VWA8: variants seen among roughly 807,000 people sequenced by gnomAD.
VWA8 encodes von Willebrand factor A domain containing 8, also known as von Willebrand factor A domain-containing protein 8.
VWA8 carries 221 observed loss-of-function variants against 241.5 expected under a neutral mutation model. That is an observed-to-expected ratio of 0.91 (90% CI 0.82 to 1.02). The LOEUF (loss-of-function observed/expected upper bound fraction) is 1.02. Ranked by LOEUF, VWA8 falls within the 50% of genes least tolerant of loss-of-function variation. The pLI is 0.00. For synonymous variants in VWA8, 852 were observed against 827.1 expected, an observed-to-expected ratio of 1.03 and a Z score of -0.52; for missense variants, 2,322 against 2,328.7, an observed-to-expected ratio of 1.00 and a Z score of 0.06.
chr13:41,652,637 C>T (rs2044876715), intron 37 of VWA8, among the ~76,000 whole-genome samples: 1 of 152,006 alleles, frequency 6.6e-6, no homozygotes, highest in African/African-American at 2.4e-5. Flanking sequence ...GAAATTAAGG[C>T]CCAGAGAGGT....
chr13:41,887,075 A>T (rs1359167886), intron 6 of VWA8, 122 bp downstream of exon 6: 3 of 1,185,664 alleles, frequency 2.5e-6, no homozygotes, highest in South Asian at 3.2e-5. Context: ...CTTTATTCTC[A>T]TATCTTTCCA....
chr13:41,719,591 T>G lies in VWA8; in HGVS notation c.3116A>C (p.Glu1039Ala). 1 of 1,612,866 alleles carries G rather than the reference T, an allele frequency of 6.2e-7. No homozygotes were observed. Among genetic ancestry groups the G allele is most frequent in the Non-Finnish European group, 8.5e-7 (1 of 1,179,186 alleles). ...CAGAAGAGTACTGAATTTGCCTTACTCCTTTGCCAGCTGCACACTGGTAGG... is the reference window on the plus strand; with the variant it reads ...CAGAAGAGTACTGAATTTGCCTTACGCCTTTGCCAGCTGCACACTGGTAGG... ...AKPTSVQLAK[E>A]LTLPEQTFMG... Residue 1039 changes from glutamate (E) to alanine (A), a missense_variant and splice_region_variant, in exon 26 of 45, where the codon GAG becomes GCG. Transcript: ENST00000379310.
intron 4 of VWA8, among the ~76,000 whole-genome samples, chr13:41,891,839 C>T (rs896152917): frequency 6.6e-6 from 1 of 152,044 alleles, no homozygotes; most frequent in Non-Finnish European, 1.5e-5. Flanking sequence ...TTCCTTTCAG[C>T]CTTGATATTT....
chr13:41,769,437 T>C (rs969343257), intron 20 of VWA8, among the ~76,000 whole-genome samples: 1 of 152,252 alleles, frequency 6.6e-6, no homozygotes, highest in African/African-American at 2.4e-5. Flanking sequence ...TTATTAATCA[T>C]TGAGGCTGGG....
chr13:41,850,464 C>A (rs923966405), intron 12 of VWA8, among the ~76,000 whole-genome samples: 1 of 152,176 alleles, frequency 6.6e-6, no homozygotes, highest in Non-Finnish European at 1.5e-5. Context: ...TAGTGCCACA[C>A]TGGACTCTGA....
intron 41 of VWA8, 134 bp downstream of exon 41, chr13:41,590,506 T>C (rs2044447269): frequency 1.0e-6 from 1 of 978,174 alleles, no homozygotes; most frequent in Non-Finnish European, 1.4e-6. Context: ...TTCTTTTTTT[T>C]TTTTTTTAAC....
At chr13:41,783,560 C>A (rs1405911907) in intron 19 of VWA8, among the ~76,000 whole-genome samples, 4 of 151,548 alleles carry the variant, frequency 2.6e-5, no homozygotes, top group African/African-American at 9.7e-5. Context: ...ATCGCTTGAA[C>A]CTGGGAGGTG....
At chr13:41,677,778 T>TCATCCATCCATCCATCCATCCATC (rs200806052) in intron 35 of VWA8, among the ~76,000 whole-genome samples, 2 of 151,816 alleles carry the variant, frequency 1.3e-5, no homozygotes, top group African/African-American at 4.8e-5. Flanking sequence ...ATTTATCTAT[T>TCATCCATCCATCCATCCATCCATC]CATCCATCCA....
chr13:41,864,877 A>T (rs1873214236), intron 12 of VWA8, among the ~76,000 whole-genome samples: 1 of 151,628 alleles, frequency 6.6e-6, no homozygotes, highest in Non-Finnish European at 1.5e-5. Flanking sequence ...AATCCCAGCT[A>T]CTCAGGAGGC....
chr13:41,861,725 G>C (rs1873015345), intron 12 of VWA8, among the ~76,000 whole-genome samples: 3 of 152,004 alleles, frequency 2.0e-5, no homozygotes, highest in Admixed American at 1.3e-4. Context: ...AAATACCTAG[G>C]AATGCAGCTA....
At position 41,868,400 on chromosome 13, in the gene VWA8, A is replaced by T; in HGVS notation, c.1158T>A (p.His386Gln). 1.2e-6 allele frequency: 2 copies of T among 1,614,106 alleles called. No homozygotes were observed. The highest frequency in any genetic ancestry group is 1.7e-6 in the Non-Finnish European group (2 of 1,179,996). The change falls in exon 10 of 45, where the codon CAT becomes CAA. Residue 386 changes from histidine (H) to glutamine (Q), a missense_variant. Coordinates refer to ENST00000379310, the MANE Select transcript of VWA8 (RefSeq NM_015058.2). ...GGATGGTCACAGAAGCTTGGGACAC[A>T]TGGTTTTCCATCATCTTCTCTACTT... ...IVKVEKMMEN[H>Q]VSQASVTIRI...
At chr13:41,943,903 A>G (rs1593887504) in intron 2 of VWA8, among the ~76,000 whole-genome samples, 1 of 152,072 alleles carries the variant, frequency 6.6e-6, no homozygotes, top group Non-Finnish European at 1.5e-5. Flanking sequence ...GGAGTTCAAG[A>G]CCAGCCTGGG....
intron 17 of VWA8, among the ~76,000 whole-genome samples, chr13:41,811,016 G>A (rs1870440875): frequency 6.6e-6 from 1 of 151,984 alleles, no homozygotes; most frequent in Non-Finnish European, 1.5e-5. Context: ...ACCAACATCT[G>A]CTTCTGGTGA....
intron 21 of VWA8, among the ~76,000 whole-genome samples, chr13:41,747,610 C>T (rs184476730): frequency 1.3e-5 from 2 of 152,242 alleles, no homozygotes; most frequent in Non-Finnish European, 2.9e-5. Flanking sequence ...TGCCTGATTG[C>T]CCTGGCCAGA....
chr13:41,781,046 G>C (rs2039280), intron 19 of VWA8, among the ~76,000 whole-genome samples: 1 of 152,070 alleles, frequency 6.6e-6, no homozygotes, highest in Non-Finnish European at 1.5e-5. Flanking sequence ...CTGGACTACC[G>C]CAATAACCAC....
At chr13:41,682,441 TAGA>T (rs1555318528) in intron 35 of VWA8, among the ~76,000 whole-genome samples, 1 of 152,164 alleles carries the variant, frequency 6.6e-6, no homozygotes, top group Non-Finnish European at 1.5e-5. Context: ...GAAGAAAACA[TAGA>T]AGATTTGCCC....
chr13:41,857,708 G>A (rs1263810695), intron 12 of VWA8, among the ~76,000 whole-genome samples: 1 of 152,112 alleles, frequency 6.6e-6, no homozygotes, highest in Non-Finnish European at 1.5e-5. Context: ...TAATGAAAAT[G>A]TCACTTCAAA....
intron 16 of VWA8, 126 bp downstream of exon 16, chr13:41,816,572 T>C: frequency 7.4e-6 from 6 of 805,572 alleles, no homozygotes; most frequent in East Asian, 5.4e-5. Flanking sequence ...AACAAAGGCA[T>C]AGCATAAGGG....
At position 41,847,354 on chromosome 13, in the gene VWA8, A is replaced by C. The variant is rs138290491; in HGVS notation, c.1426-13823T>G. Among the ~76,000 whole-genome samples the C allele has an allele frequency of 7.7e-3, 1,169 of 152,316 alleles. 15 individuals carry two copies. Among genetic ancestry groups the C allele is most frequent in the Non-Finnish European group, 0.012 (795 of 68,022 alleles). ...AGTGCATCAAAAACGCTTTCTCTAC[A>C]GATATTTAAGTTGAGATTTCAAAGT... On this transcript the variant is annotated intron_variant, in intron 12 of 44. Coordinates refer to ENST00000379310, the MANE Select transcript of VWA8 (RefSeq NM_015058.2).
Sources: gnomAD v4.1 joint callset for allele counts (sites outside exome capture counted in the v4.1 genomes callset) on GRCh38, gnomAD v4.1.1 for gene constraint, MANE v1.5 for transcripts, NCBI Gene and HGNC (gene_info 2026-07-23, HGNC 2026-07-21) for gene names.